Variants in KCNJ6 observed in about 807,000 individuals in gnomAD.
KCNJ6 encodes the protein potassium inwardly rectifying channel subfamily J member 6, also known as G protein-activated inward rectifier potassium channel 2.
KCNJ6 carries 9 observed loss-of-function variants against 34.2 expected under a neutral mutation model. That is an observed-to-expected ratio of 0.26 (90% confidence interval 0.16 to 0.46). KCNJ6 has a LOEUF of 0.46. KCNJ6 is among the 20% of genes least tolerant of loss of function. The pLI is 1.00. For synonymous variants in KCNJ6, 196 were observed against 207.1 expected (o/e 0.95, Z 0.46); for missense variants, 236 against 531.3 (o/e 0.44, Z 5.46).
chr21:37,850,584 TG>T (rs935481290), intron 1 of KCNJ6, among the ~76,000 whole-genome samples: 5 of 151,886 alleles, frequency 3.3e-5, no homozygotes, highest in Non-Finnish European at 5.9e-5. Context: ...CCCTGGTCCG[TG>T]GAAAAATTGT....
In KCNJ6 at chr21:37,675,388, G is replaced by A. The variant is rs1246511470; in HGVS notation, c.946+38823C>T. ...AACTGCGCCGGGCTGGGCAGCCGAC[G>A]CACCGCTAGGTGGCGCACGCGCTCG... On this transcript the variant is annotated intron_variant, in intron 3 of 3. Coordinates refer to ENST00000609713, the MANE Select transcript of KCNJ6 (RefSeq NM_002240.5). The surrounding 1 kb of genome is among the most constrained non-coding windows in gnomAD (Gnocchi z 4.2). Among the ~76,000 whole-genome samples, 4 of 152,368 alleles carry A rather than the reference G, an allele frequency of 2.6e-5. No individual in the cohort carries two copies. In the East Asian group the frequency reaches 5.8e-4, roughly 22 times the overall value.
At chr21:37,855,911 G>T (rs569842620) in intron 1 of KCNJ6, among the ~76,000 whole-genome samples, 3 of 152,194 alleles carry the variant, frequency 2.0e-5, no homozygotes. Context: ...GCCAAGCACG[G>T]CCAGGGGCCT....
intron 2 of KCNJ6, among the ~76,000 whole-genome samples, chr21:37,752,432 C>A (rs189159045): frequency 6.6e-6 from 1 of 152,258 alleles, no homozygotes; most frequent in East Asian, 1.9e-4. Context: ...CCTTCTCTCC[C>A]AGGAAGTCTG....
intron 3 of KCNJ6, among the ~76,000 whole-genome samples, chr21:37,701,589 A>T (rs991931951): frequency 1.3e-5 from 2 of 152,210 alleles, no homozygotes; most frequent in African/African-American, 4.8e-5. Context: ...AATGAGCAAG[A>T]CAAGGCCTTG....
intron 3 of KCNJ6, among the ~76,000 whole-genome samples, chr21:37,706,617 G>T (rs1238635809): frequency 1.3e-5 from 2 of 152,182 alleles, no homozygotes; most frequent in African/African-American, 4.8e-5. Context: ...TCAGCCTTTG[G>T]GGTTGTCTGT....
intron 2 of KCNJ6, among the ~76,000 whole-genome samples, chr21:37,768,960 G>C (rs550483093): frequency 5.9e-5 from 9 of 152,244 alleles, no homozygotes; most frequent in African/African-American, 2.2e-4. Context: ...CTGCATGCAG[G>C]TGTGTTTAGG....
intron 3 of KCNJ6, among the ~76,000 whole-genome samples, chr21:37,680,096 T>A (rs1030580823): frequency 2.6e-5 from 4 of 152,168 alleles, no homozygotes; most frequent in African/African-American, 9.7e-5. Flanking sequence ...AAAGTGAGAT[T>A]TATAGATCCC....
intron 3 of KCNJ6, among the ~76,000 whole-genome samples, chr21:37,633,029 AAGAG>A (rs767988278): frequency 2.6e-5 from 4 of 152,160 alleles, no homozygotes; most frequent in Non-Finnish European, 4.4e-5. Context: ...TAGTACAAGA[AAGAG>A]AGAAAAAAAG....
At chr21:37,823,132 C>T (rs934674279) in intron 2 of KCNJ6, among the ~76,000 whole-genome samples, 1 of 152,164 alleles carries the variant, frequency 6.6e-6, no homozygotes, top group Admixed American at 6.5e-5. Context: ...AGGCAGGCCC[C>T]CAGCCCCAGT....
intron 2 of KCNJ6, among the ~76,000 whole-genome samples, chr21:37,796,689 G>C (rs937756565): frequency 3.3e-5 from 5 of 151,856 alleles, no homozygotes; most frequent in African/African-American, 7.3e-5. Flanking sequence ...ACTATAACTT[G>C]GGGTCCCTGT....
chr21:37,725,945 A>G (rs2054852241), intron 2 of KCNJ6, among the ~76,000 whole-genome samples: 1 of 152,158 alleles, frequency 6.6e-6, no homozygotes, highest in Non-Finnish European at 1.5e-5. Context: ...CACTCTTGTC[A>G]CCCAGGCTGG....
In KCNJ6 at chr21:37,714,828, A is replaced by C; in HGVS notation, c.329T>G (p.Ile110Ser). 6.2e-7 allele frequency: 1 copy of C among 1,614,266 alleles called. No homozygotes were observed. The highest frequency in any genetic ancestry group is 8.5e-7 in the Non-Finnish European group (1 of 1,180,058). The change falls in exon 3 of 4, where the codon ATC becomes AGC. Residue 110 changes from isoleucine to serine, a missense_variant. Coordinates refer to ENST00000609713, the MANE Select transcript of KCNJ6 (RefSeq NM_002240.5). The surrounding 1 kb of genome is among the most constrained non-coding windows in gnomAD (Gnocchi z 5.9). ...CCGTATGTATGCGATCAACCACCAG[A>C]TCATTCCAAAAAAGAGCCAGGTCAC... is the stretch of plus-strand genomic sequence containing the variant. ...YTVTWLFFGM[I>S]WWLIAYIRGD...
intron 2 of KCNJ6, among the ~76,000 whole-genome samples, chr21:37,780,035 T>C (rs2055161604): frequency 1.3e-5 from 2 of 152,180 alleles, no homozygotes. Flanking sequence ...TCTGAGGTCA[T>C]TCTGCCTATT....
rs115161036 is a variant in KCNJ6, at chr21:37,799,040, T to C, written c.25+41618A>G. Among the ~76,000 whole-genome samples, 670 of 152,254 alleles carry C rather than the reference T, an allele frequency of 4.4e-3. 6 individuals carry two copies. The highest frequency in any genetic ancestry group is 0.014 in the African/African-American group (600 of 41,524). On this transcript the variant is annotated intron_variant, in intron 2 of 3. Transcript: ENST00000609713. ...ACCCAGGTATTAAACATAGTACCTA[T>C]TGGTTATTTTTCCTGATCCTCTCCC... is the stretch of plus-strand genomic sequence containing the variant.
At position 37,863,846 on chromosome 21, in the gene KCNJ6, G is replaced by GTTTTTTTTTTTTTTTTTTTTTT. The variant is rs772060420; in HGVS notation, c.-27-23138_-27-23137insAAAAAAAAAAAAAAAAAAAAAA. Among the ~76,000 whole-genome samples the GTTTTTTTTTTTTTTTTTTTTTT allele has an allele frequency of 2.6e-4, 25 of 97,062 alleles. 5 individuals are homozygous for GTTTTTTTTTTTTTTTTTTTTTT. The highest frequency in any genetic ancestry group is 6.6e-4 in the South Asian group (2 of 3,052). 63.7% of individuals were successfully genotyped at this position (97,062 alleles called of 152,430 possible). A position where few individuals can be genotyped will look rare whatever the true frequency, so the allele number is the denominator to read the frequency against. The stretch of plus-strand genomic sequence containing the variant: ...CTTTAAGCAATTTTAAAATATAAAG[G>GTTTTTTTTTTTTTTTTTTTTTT]TTTTTTTTTTTTTGTTTTTTTTTTT... On this transcript the variant is annotated intron_variant, in intron 1 of 3. Transcript: ENST00000609713.
chr21:37,882,456 G>A (rs928364654), intron 1 of KCNJ6, among the ~76,000 whole-genome samples: 1 of 152,180 alleles, frequency 6.6e-6, no homozygotes, highest in Non-Finnish European at 1.5e-5. Context: ...ACTGGGCATG[G>A]ATTTATTGCA....
At chr21:37,725,801 T>C (rs570036690) in intron 2 of KCNJ6, among the ~76,000 whole-genome samples, 1 of 152,266 alleles carries the variant, frequency 6.6e-6, no homozygotes, top group Non-Finnish European at 1.5e-5. Flanking sequence ...GCTGCAGATA[T>C]AATCAATGGA....
At chr21:37,881,417 T>G (rs1055909877) in intron 1 of KCNJ6, among the ~76,000 whole-genome samples, 1 of 152,112 alleles carries the variant, frequency 6.6e-6, no homozygotes, top group African/African-American at 2.4e-5. Flanking sequence ...TTTCCTAGCC[T>G]ATAGATGGGC....
chr21:37,845,541 T>C (rs943682187), intron 1 of KCNJ6, among the ~76,000 whole-genome samples: 1 of 152,184 alleles, frequency 6.6e-6, no homozygotes, highest in Non-Finnish European at 1.5e-5. Context: ...ATAGGTGGAA[T>C]TTGCACTGCC....
Sources: gnomAD v4.1 joint callset for allele counts (sites outside exome capture counted in the v4.1 genomes callset) on GRCh38, gnomAD v4.1.1 for gene constraint, Gnocchi (gnomAD v3.1) non-coding constraint, MANE v1.5 for transcripts, NCBI Gene and HGNC (gene_info 2026-07-23, HGNC 2026-07-21) for gene names.